DNAH11: variants seen among roughly 807,000 people sequenced by gnomAD.
The protein encoded by DNAH11 is dynein axonemal heavy chain 11.
A neutral mutation model predicts 526.0 loss-of-function variants in DNAH11; 442 were observed. That is an observed-to-expected ratio of 0.84 (90% CI 0.78 to 0.91). The LOEUF is 0.91. Among genes scored for constraint, DNAH11 ranks in the 40% least tolerant of loss-of-function variants. The pLI is 0.00. For synonymous variants in DNAH11, 2,461 were observed against 1,935.9 expected (o/e 1.27, Z -7.12); for missense variants, 6,989 against 5,448.7 (o/e 1.28, Z -8.90).
At chr7:21,893,489 A>G (rs914287135) in intron 77 of DNAH11, among the ~76,000 whole-genome samples, 10 of 152,220 alleles carry the variant, frequency 6.6e-5, no homozygotes, top group Non-Finnish European at 8.8e-5. Context: ...GACCTGATAA[A>G]TTGCCGGTCA....
intron 37 of DNAH11, chr7:21,703,792 T>G (rs1452631006): frequency 2.0e-5 from 3 of 152,242 alleles, no homozygotes; most frequent in Non-Finnish European, 4.4e-5. Flanking sequence ...CTCTGTGTGA[T>G]TTTTTAAATT....
intron 72 of DNAH11, among the ~76,000 whole-genome samples, chr7:21,868,319 G>C (rs755388055): frequency 2.0e-5 from 3 of 151,974 alleles, no homozygotes; most frequent in Non-Finnish European, 4.4e-5. Context: ...CTAAATAATG[G>C]TCATTAGAGC....
intron 39 of DNAH11, among the ~76,000 whole-genome samples, chr7:21,705,778 C>T (rs2128479676): frequency 6.6e-6 from 1 of 152,222 alleles, no homozygotes; most frequent in East Asian, 1.9e-4. Flanking sequence ...GAAAAGCAAG[C>T]CAACATGAAG....
At chr7:21,642,195 C>T (rs1284615321) in intron 28 of DNAH11, among the ~76,000 whole-genome samples, 3 of 152,158 alleles carry the variant, frequency 2.0e-5, no homozygotes, top group African/African-American at 7.2e-5. Flanking sequence ...ATGTACACTA[C>T]ATAAATTTTG....
At chr7:21,723,313 A>G (rs1047035551) in intron 44 of DNAH11, among the ~76,000 whole-genome samples, 3 of 152,218 alleles carry the variant, frequency 2.0e-5, no homozygotes, top group Non-Finnish European at 4.4e-5. Context: ...AAGCTTAGAA[A>G]GGTATTTTAA....
At position 21,801,608 on chromosome 7, in the gene DNAH11, A is replaced by G. The variant is rs1031254691; in HGVS notation, c.10165+333A>G. Among the ~76,000 whole-genome samples, 11 of 152,326 alleles carry G rather than the reference A, an allele frequency of 7.2e-5. No homozygotes were observed. In the South Asian group the frequency reaches 1.2e-3, roughly 17 times the overall value. ...GGTGGGTTATGTACTTATTTTTTCT[A>G]CTTTCTCTCTTCCTTTCTTTCTTAC... On this transcript the variant is annotated intron_variant, in intron 62 of 81. Coordinates refer to ENST00000409508, the MANE Select transcript of DNAH11 (RefSeq NM_001277115.2).
rs759509612 is a variant in DNAH11 at position 21,867,842 on chromosome 7, ATTC to A, written c.11691-14_11691-12del. 11 of 1,429,486 alleles carry A rather than the reference ATTC, an allele frequency of 7.7e-6. No homozygotes were observed. The African/African-American group carries it at 1.3e-4, about 17-fold the overall frequency. The allele number at this position is 1,429,486 out of a possible 1,614,324, so 88.6% of individuals were successfully genotyped here. ...TCAAAACCACTGATCATGTTTTTAT[ATTC>A]TTGTTTTTTATAGAAATTTTGTAGA... On this transcript the variant is annotated splice_polypyrimidine_tract_variant and intron_variant, in intron 71 of 81. Transcript: ENST00000409508.
At chr7:21,551,119 G>A (rs74695889) in intron 2 of DNAH11, among the ~76,000 whole-genome samples, 1 of 151,986 alleles carries the variant, frequency 6.6e-6, no homozygotes, top group South Asian at 2.1e-4. Context: ...TTTTCTCATG[G>A]AGTTTACTTA....
intron 11 of DNAH11, 113 bp from the exon 12 acceptor site, chr7:21,589,095 C>T: frequency 1.2e-6 from 1 of 821,116 alleles, no homozygotes; most frequent in Non-Finnish European, 1.7e-6. Flanking sequence ...GACTGTTTCT[C>T]TTCCTGGTTG....
At position 21,570,210 on chromosome 7, in the gene DNAH11, A is replaced by G; in HGVS notation, c.1336A>G (p.Met446Val). 1.2e-6 allele frequency: 2 copies of G among 1,613,492 alleles called. No homozygotes were observed. Among genetic ancestry groups the G allele is most frequent in the Non-Finnish European group, 1.7e-6 (2 of 1,179,720 alleles). Residue 446 changes from methionine (M) to valine (V), a missense_variant, in exon 7 of 82, where the codon ATG becomes GTG. Coordinates refer to ENST00000409508, the MANE Select transcript of DNAH11 (RefSeq NM_001277115.2). Reference protein sequence around the residue: ...NYRKKLASYFMGRKLRPWDFQ... With the variant: ...NYRKKLASYFVGRKLRPWDFQ... Reference sequence around the variant, plus strand: ...TAGAAAAAAATTGGCAAGCTACTTTATGGGAAGAAAGCTGAGACCATGGGA... The same window carrying G: ...TAGAAAAAAATTGGCAAGCTACTTTGTGGGAAGAAAGCTGAGACCATGGGA...
chr7:21,562,263 C>A (rs113254042), intron 5 of DNAH11, among the ~76,000 whole-genome samples: 3 of 152,292 alleles, frequency 2.0e-5, no homozygotes, highest in African/African-American at 7.2e-5. Context: ...TTAGCAGTAT[C>A]TCTGGCCTTT....
chr7:21,645,574 C>A (rs1012560738), intron 28 of DNAH11, among the ~76,000 whole-genome samples: 6 of 151,958 alleles, frequency 3.9e-5, no homozygotes, highest in South Asian at 4.1e-4. Context: ...GGAACTCAGG[C>A]CCCATTAAGG....
rs1306940536 is a variant in DNAH11, at chr7:21,675,934, AT to A, written c.5329-5609del. 2.0e-5 allele frequency among the ~76,000 whole-genome samples: 3 copies of A among 152,306 alleles called. No homozygotes were observed. In the East Asian group the frequency reaches 5.8e-4, roughly 29 times the overall value. On this transcript the variant is annotated intron_variant, in intron 30 of 81. Coordinates refer to ENST00000409508, the MANE Select transcript of DNAH11 (RefSeq NM_001277115.2). The stretch of plus-strand genomic sequence containing the variant: ...AGGGAAGGCCAATTTGAGGAGGTAA[AT>A]TTGAAGTACAGCTTTGAATAATGAG...
intron 44 of DNAH11, among the ~76,000 whole-genome samples, chr7:21,723,121 T>C (rs1784946310): frequency 6.6e-6 from 1 of 152,192 alleles, no homozygotes; most frequent in African/African-American, 2.4e-5. Flanking sequence ...AGGTTGGCAA[T>C]ATGCATGAAA....
intron 17 of DNAH11, 42 bp downstream of exon 17, chr7:21,601,221 C>T: frequency 6.4e-7 from 1 of 1,557,666 alleles, no homozygotes; most frequent in Non-Finnish European, 8.7e-7. Context: ...ACTTTCTAAA[C>T]TGCTTTCTAA....
At chr7:21,856,367 T>A (rs4719678) in intron 68 of DNAH11, among the ~76,000 whole-genome samples, 3 of 151,960 alleles carry the variant, frequency 2.0e-5, no homozygotes, top group Non-Finnish European at 4.4e-5. Flanking sequence ...CAAGCATAAC[T>A]AGCAGGTTTC....
In DNAH11 at chr7:21,618,697, T is replaced by C. The variant is rs552577414; in HGVS notation, c.4255-403T>C. Among the ~76,000 whole-genome samples, 5 of 152,318 alleles carry C rather than the reference T, an allele frequency of 3.3e-5. No individual in the cohort carries two copies. In the East Asian group the frequency reaches 9.6e-4, roughly 29 times the overall value. ...AAATCACAGAAGCAGCTGGGAATTA[T>C]GTTCAGTGAATAGGGTTCTTTAGGA... On this transcript the variant is annotated intron_variant, in intron 23 of 81. Coordinates refer to ENST00000409508, the MANE Select transcript of DNAH11 (RefSeq NM_001277115.2).
chr7:21,892,312 C>T (rs887135398), intron 76 of DNAH11, 113 bp from the exon 77 acceptor site: 3 of 1,448,710 alleles, frequency 2.1e-6, no homozygotes, highest in Non-Finnish European at 2.8e-6. Flanking sequence ...AGCCTGCTAC[C>T]CAGACAGCAT....
intron 26 of DNAH11, among the ~76,000 whole-genome samples, chr7:21,637,396 T>TA (rs1348360415): frequency 6.6e-6 from 1 of 152,220 alleles, no homozygotes; most frequent in Admixed American, 6.5e-5. Context: ...TTATCACATT[T>TA]ATTTTTATAA....
Sources: gnomAD v4.1 joint callset for allele counts (sites outside exome capture counted in the v4.1 genomes callset) on GRCh38, gnomAD v4.1.1 for gene constraint, MANE v1.5 for transcripts, NCBI Gene and HGNC (gene_info 2026-07-23, HGNC 2026-07-21) for gene names.